ELMO1: variants seen among roughly 807,000 people sequenced by gnomAD.
ELMO1 encodes the protein engulfment and cell motility protein 1.
Under a neutral mutation model 98.9 loss-of-function variants are expected in ELMO1, and 26 were observed. The observed-to-expected ratio is 0.26, with a 90% CI of 0.19 to 0.36. The LOEUF is 0.36. Ranked by LOEUF, ELMO1 falls within the 10% of genes least tolerant of loss-of-function variation. The pLI is 1.00. For missense variants in ELMO1, 627 were observed against 935.2 expected (o/e 0.67, Z 4.30); for synonymous variants, 346 against 346.0 (o/e 1.00, Z 0.00).
Position 37,392,921 on chromosome 7 carries a change from G to A in ELMO1, c.-73-50158C>T, listed in dbSNP as rs976431082. On this transcript the variant is annotated intron_variant, in intron 1 of 21. Coordinates refer to ENST00000310758, the MANE Select transcript of ELMO1 (RefSeq NM_014800.11). ...CTGGAGCCTGCTGTCTTCTGAGCCTGTTTGCACTTAAGGCCACCTCCTGAG... is the reference window on the plus strand; with the variant it reads ...CTGGAGCCTGCTGTCTTCTGAGCCTATTTGCACTTAAGGCCACCTCCTGAG... Among the ~76,000 whole-genome samples, 18 of 152,190 alleles carry A rather than the reference G, an allele frequency of 1.2e-4. No homozygotes were observed. In the East Asian group the frequency reaches 1.5e-3, roughly 13 times the overall value.
chr7:37,129,609 A>C (rs1388175030), intron 14 of ELMO1, among the ~76,000 whole-genome samples: 2 of 152,184 alleles, frequency 1.3e-5, no homozygotes, highest in Non-Finnish European at 2.9e-5. Context: ...GAGAAGGTCA[A>C]GTTGATTTTA....
At chr7:37,046,930 C>CT (rs1795827506) in intron 15 of ELMO1, among the ~76,000 whole-genome samples, 1 of 152,224 alleles carries the variant, frequency 6.6e-6, no homozygotes, top group Non-Finnish European at 1.5e-5. Context: ...GAACAACTCA[C>CT]TATGTGCTTG....
At chr7:37,261,603 T>C (rs534495301) in intron 5 of ELMO1, among the ~76,000 whole-genome samples, 1 of 149,508 alleles carries the variant, frequency 6.7e-6, no homozygotes, top group East Asian at 1.9e-4. Context: ...GATTGTGTTT[T>C]TCTTTCTTTC....
intron 16 of ELMO1, chr7:36,985,146 A>G: frequency 1.0e-6 from 1 of 980,728 alleles, no homozygotes; most frequent in African/African-American, 1.7e-5. Context: ...AGAAAATTAA[A>G]CCCCAGGGAG....
rs533194553 is a variant in ELMO1, at chr7:37,283,626, C to A, written c.193-11744G>T. 9.6e-4 allele frequency among the ~76,000 whole-genome samples: 146 copies of A among 152,362 alleles called. 1 individual carries two copies. The highest frequency in any genetic ancestry group is 3.0e-3 in the African/African-American group (124 of 41,590). On this transcript the variant is annotated intron_variant, in intron 4 of 21. Transcript: ENST00000310758. ...AGGGGGGCCATCTTTGCATTTCAGA[C>A]AGTGGGGCAGCCCCAGCAAGGGCAT...
At chr7:37,077,223 T>C (rs1211564716) in intron 15 of ELMO1, among the ~76,000 whole-genome samples, 1 of 152,152 alleles carries the variant, frequency 6.6e-6, no homozygotes, top group Non-Finnish European at 1.5e-5. Flanking sequence ...TGCAATTCAA[T>C]ACAGTGTGAG....
rs146467090 is a variant in ELMO1, at chr7:37,359,734, G to A, written c.-73-16971C>T. Among the ~76,000 whole-genome samples, 207 of 152,312 alleles carry A rather than the reference G, an allele frequency of 1.4e-3. 1 individual carries two copies. The highest frequency in any genetic ancestry group is 4.7e-3 in the African/African-American group (197 of 41,582). ...AAGGCTTAGAACAGTGCCCGGCACC[G>A]AGTAAGAGCGTGGCACATTATCCCT... is the stretch of plus-strand genomic sequence containing the variant. On this transcript the variant is annotated intron_variant, in intron 1 of 21. Transcript: ENST00000310758.
chr7:36,933,919 A>C (rs1013334844), intron 16 of ELMO1, among the ~76,000 whole-genome samples: 1 of 152,232 alleles, frequency 6.6e-6, no homozygotes, highest in Non-Finnish European at 1.5e-5. Context: ...GCTCTGCTGT[A>C]CAGCAATTAT....
intron 1 of ELMO1, among the ~76,000 whole-genome samples, chr7:37,439,812 A>G (rs1285615355): frequency 1.3e-5 from 2 of 152,210 alleles, no homozygotes; most frequent in Non-Finnish European, 1.5e-5. Flanking sequence ...CTGGCAGTGG[A>G]GTAAGCCTAG....
intron 18 of ELMO1, among the ~76,000 whole-genome samples, chr7:36,883,694 C>G (rs1804676254): frequency 1.3e-5 from 2 of 152,148 alleles, no homozygotes; most frequent in Non-Finnish European, 2.9e-5. Flanking sequence ...TTTCCTGTGG[C>G]CTCCCCAGAA....
intron 16 of ELMO1, among the ~76,000 whole-genome samples, chr7:36,983,433 T>C (rs962812762): frequency 6.6e-6 from 1 of 152,222 alleles, no homozygotes; most frequent in African/African-American, 2.4e-5. Flanking sequence ...CTTGACAGAC[T>C]GACAGGCTGA....
At chr7:37,426,711 G>C (rs1332266691) in intron 1 of ELMO1, among the ~76,000 whole-genome samples, 1 of 151,936 alleles carries the variant, frequency 6.6e-6, no homozygotes, top group Non-Finnish European at 1.5e-5. Context: ...CCAGGTTTTT[G>C]GCTTACATCA....
intron 15 of ELMO1, among the ~76,000 whole-genome samples, chr7:37,019,831 A>G (rs925475478): frequency 6.6e-6 from 1 of 152,232 alleles, no homozygotes; most frequent in African/African-American, 2.4e-5. Flanking sequence ...AGTCTGGAAT[A>G]TTAAGATATT....
At chr7:37,176,582 C>T (rs140314135) in intron 13 of ELMO1, among the ~76,000 whole-genome samples, 137 of 152,194 alleles carry the variant, frequency 9.0e-4, no homozygotes, top group African/African-American at 2.9e-3. Context: ...AATGAACAGC[C>T]ATAAAAGTAA....
At chr7:37,337,737 T>C (rs1052532069) in intron 2 of ELMO1, among the ~76,000 whole-genome samples, 1 of 152,212 alleles carries the variant, frequency 6.6e-6, no homozygotes, top group Non-Finnish European at 1.5e-5. Context: ...AAGTGGTAGC[T>C]TTCTGGTCTG....
chr7:37,368,888 T>TC (rs1288068309), intron 1 of ELMO1, among the ~76,000 whole-genome samples: 1 of 152,212 alleles, frequency 6.6e-6, no homozygotes, highest in South Asian at 2.1e-4. Flanking sequence ...CTCATGTGAT[T>TC]CCCTGCATTG....
intron 1 of ELMO1, among the ~76,000 whole-genome samples, chr7:37,368,250 G>A (rs1165529205): frequency 1.3e-5 from 2 of 152,054 alleles, no homozygotes; most frequent in Admixed American, 6.5e-5. Context: ...AAACTATTAG[G>A]ATTAATAAGG....
chr7:37,329,994 C>T (rs1419946762), intron 2 of ELMO1, among the ~76,000 whole-genome samples: 1 of 152,162 alleles, frequency 6.6e-6, no homozygotes, highest in East Asian at 1.9e-4. Flanking sequence ...TCTAAAAGTA[C>T]AACTAACCAC....
chr7:37,402,266 A>G (rs1266340777), intron 1 of ELMO1, among the ~76,000 whole-genome samples: 2 of 152,170 alleles, frequency 1.3e-5, no homozygotes, highest in Non-Finnish European at 2.9e-5. Flanking sequence ...GTGAGTGAGA[A>G]TATCGTTACA....
Sources: gnomAD v4.1 joint callset for allele counts (sites outside exome capture counted in the v4.1 genomes callset) on GRCh38, gnomAD v4.1.1 for gene constraint, MANE v1.5 for transcripts, NCBI Gene and HGNC (gene_info 2026-07-23, HGNC 2026-07-21) for gene names.